HNRNPLL: variants seen among roughly 807,000 people sequenced by gnomAD.
HNRNPLL encodes heterogeneous nuclear ribonucleoprotein L like, also known as heterogeneous nuclear ribonucleoprotein L-like.
Under a neutral mutation model 67.1 loss-of-function variants are expected in HNRNPLL, and 25 were observed. The ratio of observed to expected loss-of-function variants is 0.37; its 90% CI spans 0.27 to 0.52. The LOEUF (loss-of-function observed/expected upper bound fraction) is 0.52. Among genes scored for constraint, HNRNPLL ranks in the 20% least tolerant of loss-of-function variants. The pLI, the probability that HNRNPLL is intolerant of heterozygous loss-of-function variation, is 0.90. For missense variants in HNRNPLL, 542 were observed against 673.9 expected (o/e 0.80, Z 2.17); for synonymous variants, 267 against 241.7 (o/e 1.10, Z -0.97).
intron 2 of HNRNPLL, among the ~76,000 whole-genome samples, chr2:38,588,690 T>C (rs1466900485): frequency 2.6e-5 from 4 of 151,896 alleles, no homozygotes; most frequent in Admixed American, 1.3e-4. Flanking sequence ...ATAAAAAAAC[T>C]AAAATGTTAC....
chr2:38,566,765 C>G (rs975552251), intron 12 of HNRNPLL, among the ~76,000 whole-genome samples: 1 of 150,694 alleles, frequency 6.6e-6, no homozygotes, highest in African/African-American at 2.4e-5. Context: ...AGGAGGATCA[C>G]TTGAGCTCAG....
chr2:38,591,625 T>A lies in HNRNPLL; in HGVS notation c.213A>T (p.Lys71Asn). The change falls in exon 2 of 13, where the codon AAA becomes AAT. Residue 71 changes from lysine (K) to asparagine (N), a missense_variant. Coordinates refer to ENST00000449105, the MANE Select transcript of HNRNPLL (RefSeq NM_138394.4). ...CATGGACGACGGGTGAAACAGAAAC[T>A]TTATGATGACTTCCACCTGCCTCCT... ...SQPEAGGSHHKVSVSPVVHVR... is the reference protein window; with the variant it reads ...SQPEAGGSHHNVSVSPVVHVR... 1 of 1,612,466 alleles carries A rather than the reference T, an allele frequency of 6.2e-7. No homozygotes were observed. Among genetic ancestry groups the A allele is most frequent in the Non-Finnish European group, 8.5e-7 (1 of 1,178,568 alleles).
At chr2:38,589,814 G>A (rs745687934) in intron 2 of HNRNPLL, among the ~76,000 whole-genome samples, 15 of 152,080 alleles carry the variant, frequency 9.9e-5, no homozygotes, top group Admixed American at 1.3e-4. Flanking sequence ...TCATCAACTT[G>A]TTTTCTGACA....
At position 38,578,643 on chromosome 2, in the gene HNRNPLL, C is replaced by T. The variant is rs183031136; in HGVS notation, c.803-1111G>A. Among the ~76,000 whole-genome samples the T allele has an allele frequency of 1.4e-3, 218 of 152,112 alleles. 1 individual carries two copies. The highest frequency in any genetic ancestry group is 0.014 in the Admixed American group (208 of 15,246). On this transcript the variant is annotated intron_variant, in intron 6 of 12. Transcript: ENST00000449105. The stretch of plus-strand genomic sequence containing the variant: ...AAGGGACTGAGGCCATCTAGTTTAA[C>T]TTTTACTCAATGTAAAAATTCTCTT...
intron 6 of HNRNPLL, among the ~76,000 whole-genome samples, chr2:38,579,801 C>T (rs1666450207): frequency 6.6e-6 from 1 of 151,582 alleles, no homozygotes; most frequent in African/African-American, 2.4e-5. Context: ...AGCAACCTAA[C>T]AGTTTCAATA....
chr2:38,572,722 T>C (rs1407081961), intron 8 of HNRNPLL, among the ~76,000 whole-genome samples: 3 of 152,088 alleles, frequency 2.0e-5, no homozygotes, highest in Admixed American at 6.6e-5. Context: ...TTTCAAATAC[T>C]GGTTGAGCTA....
In HNRNPLL at chr2:38,602,642, G is replaced by C; in HGVS notation, c.-16C>G. The C allele has an allele frequency of 6.7e-7, 1 of 1,495,694 alleles. No homozygotes were observed. Among genetic ancestry groups the C allele is most frequent in the Non-Finnish European group, 8.9e-7 (1 of 1,126,338 alleles). The allele number at this position is 1,495,694 out of a possible 1,614,324, so 92.7% of individuals were successfully genotyped here. A position where few individuals can be genotyped will look rare whatever the true frequency, so the allele number is the denominator to read the frequency against. On this transcript the variant is annotated 5_prime_UTR_variant, in exon 1 of 13. Coordinates refer to ENST00000449105, the MANE Select transcript of HNRNPLL (RefSeq NM_138394.4). ...AGGAGGACATGGCGGCGGCCGGAGG[G>C]ACCGGCTGGCAGGCGGGTGGGGGTG...
In HNRNPLL at chr2:38,562,450, AATTCTG is replaced by A. The variant is rs1665706248; in HGVS notation, c.*1726_*1731del. The A allele has an allele frequency of 6.6e-6, 1 of 152,174 alleles. No homozygotes were observed. The highest frequency in any genetic ancestry group is 1.5e-5 in the Non-Finnish European group (1 of 68,002). 9.4% of individuals were successfully genotyped at this position (152,174 alleles called of 1,614,324 possible). A position where few individuals can be genotyped will look rare whatever the true frequency, so the allele number is the denominator to read the frequency against. ...AAATCTTAGGCATTAAAAAGTCTGTAATTCTGACAACCCACATTAATTTTCAGAGGA... is the reference window on the plus strand; with the variant it reads ...AAATCTTAGGCATTAAAAAGTCTGTAACAACCCACATTAATTTTCAGAGGA... On this transcript the variant is annotated 3_prime_UTR_variant, in exon 13 of 13. Coordinates refer to ENST00000449105, the MANE Select transcript of HNRNPLL (RefSeq NM_138394.4).
intron 8 of HNRNPLL, 136 bp downstream of exon 8, chr2:38,573,074 A>G (rs1666155529): frequency 4.7e-6 from 3 of 639,772 alleles, no homozygotes; most frequent in African/African-American, 1.9e-5. Flanking sequence ...CCTATATAAT[A>G]GATTTTTAGC....
chr2:38,578,997 G>C (rs752901244), intron 6 of HNRNPLL, among the ~76,000 whole-genome samples: 5 of 152,002 alleles, frequency 3.3e-5, no homozygotes, highest in Non-Finnish European at 5.9e-5. Flanking sequence ...AGCCAATCTA[G>C]CCTACTAATC....
chr2:38,579,118 A>G (rs1037396583), intron 6 of HNRNPLL, among the ~76,000 whole-genome samples: 2 of 152,086 alleles, frequency 1.3e-5, no homozygotes, highest in Admixed American at 6.6e-5. Flanking sequence ...TTCATGACTC[A>G]GTTTTATTGA....
At position 38,592,801 on chromosome 2, in the gene HNRNPLL, T is replaced by G. The variant is rs376613899; in HGVS notation, c.190-1153A>C. Among the ~76,000 whole-genome samples the G allele has an allele frequency of 1.3e-4, 20 of 152,348 alleles. No homozygotes were observed. In the East Asian group the frequency reaches 3.9e-3, roughly 29 times the overall value. On this transcript the variant is annotated intron_variant, in intron 1 of 12. Transcript: ENST00000449105. ...ATGACTTCCACCGTGTACATCCCTG[T>G]CTATACAAAAAGAAATTTTTTAAAG...
At chr2:38,590,861 C>T (rs768347293) in intron 2 of HNRNPLL, among the ~76,000 whole-genome samples, 2 of 151,980 alleles carry the variant, frequency 1.3e-5, no homozygotes, top group Non-Finnish European at 2.9e-5. Flanking sequence ...TTAAATTACC[C>T]GGGCATAGTG....
chr2:38,574,821 ACTGTTTAGTAATTAGTTTTTAGG>A (rs1666238301), intron 7 of HNRNPLL, among the ~76,000 whole-genome samples: 2 of 152,002 alleles, frequency 1.3e-5, no homozygotes, highest in East Asian at 3.9e-4. Flanking sequence ...CATATGAGCG[ACTGTTTAGTAATTAGTTTTTAGG>A]CTGTTTAGTA....
chr2:38,586,849 C>A (rs1242226377), intron 2 of HNRNPLL, among the ~76,000 whole-genome samples: 5 of 151,988 alleles, frequency 3.3e-5, no homozygotes, highest in Non-Finnish European at 5.9e-5. Flanking sequence ...GCCAAAAAAA[C>A]CCCAAAATAT....
chr2:38,568,552 G>A (rs1665958051), intron 10 of HNRNPLL, 109 bp from the exon 11 acceptor site: 5 of 655,430 alleles, frequency 7.6e-6, no homozygotes, highest in South Asian at 2.1e-5. Flanking sequence ...TCAAATGAAT[G>A]GATTAAATCA....
chr2:38,593,148 G>A (rs143072633), intron 1 of HNRNPLL, among the ~76,000 whole-genome samples: 22 of 152,262 alleles, frequency 1.4e-4, no homozygotes, highest in African/African-American at 4.6e-4. Flanking sequence ...CTTATGCTCC[G>A]TCTTTCCTAT....
In HNRNPLL at chr2:38,596,069, TA is replaced by T. The variant is rs563564457; in HGVS notation, c.190-4422del. On this transcript the variant is annotated intron_variant, in intron 1 of 12. Transcript: ENST00000449105. ...AATTTTCTCATTCTTTCTGTAGTGA[TA>T]AAAAAAAAAAACCTATGGCTGTTTC... Among the ~76,000 whole-genome samples, 1,367 of 143,636 alleles carry T rather than the reference TA, an allele frequency of 9.5e-3. 13 individuals carry two copies. The highest frequency in any genetic ancestry group is 0.03 in the African/African-American group (1,186 of 39,478). The allele number at this position is 143,636 out of a possible 152,430, so 94.2% of individuals were successfully genotyped here.
intron 12 of HNRNPLL, among the ~76,000 whole-genome samples, chr2:38,566,666 C>G (rs77431197): frequency 0.017 from 2,593 of 151,702 alleles, 40 homozygotes; most frequent in Non-Finnish European, 0.028. Context: ...TACTGAAAAA[C>G]TGTCCTACAA....
Sources: allele counts gnomAD v4.1 joint callset (sites outside exome capture counted in the v4.1 genomes callset), GRCh38; gene constraint gnomAD v4.1.1; transcripts MANE v1.5; gene names NCBI Gene and HGNC (gene_info 2026-07-23, HGNC 2026-07-21).